CACNA1D: variants seen among roughly 807,000 people sequenced by gnomAD.
CACNA1D encodes the protein voltage-dependent L-type calcium channel subunit alpha-1D.
Under a neutral mutation model 257.1 loss-of-function variants are expected in CACNA1D, and 55 were observed. That is an observed-to-expected ratio of 0.21 (90% CI 0.17 to 0.27). The LOEUF (loss-of-function observed/expected upper bound fraction) is 0.27, where lower values mean the gene tolerates loss of function less well. Ranked by LOEUF, CACNA1D falls within the 10% of genes least tolerant of loss-of-function variation. The pLI, the probability that CACNA1D is intolerant of heterozygous loss-of-function variation, is 1.00. For synonymous variants in CACNA1D, 980 were observed against 1,014.9 expected (o/e 0.97, Z 0.65); for missense variants, 1,876 against 2,784.0 (o/e 0.67, Z 7.34).
intron 10 of CACNA1D, among the ~76,000 whole-genome samples, chr3:53,718,930 C>G (rs2094851566): frequency 6.6e-6 from 1 of 152,086 alleles, no homozygotes; most frequent in African/African-American, 2.4e-5. Context: ...CACTTTTTCC[C>G]TGGAGCCCTG....
chr3:53,807,996 G>C (rs767401410), intron 45 of CACNA1D: 1 of 153,224 alleles, frequency 6.5e-6, no homozygotes, highest in African/African-American at 2.4e-5. Context: ...GTATCTGGAA[G>C]GTGACAGTGG....
chr3:53,769,379 C>T (rs1043777157), intron 30 of CACNA1D, among the ~76,000 whole-genome samples: 5 of 152,218 alleles, frequency 3.3e-5, no homozygotes, highest in East Asian at 1.9e-4. Context: ...GGGCAGGCAG[C>T]GAGGGTTTCT....
At chr3:53,744,015 A>C (rs770643246) in intron 22 of CACNA1D, among the ~76,000 whole-genome samples, 1 of 152,140 alleles carries the variant, frequency 6.6e-6, no homozygotes, top group African/African-American at 2.4e-5. Context: ...TTCATGTCCA[A>C]GCTGCAGCCT....
intron 2 of CACNA1D, among the ~76,000 whole-genome samples, chr3:53,501,251 GA>G (rs1384210334): frequency 1.3e-5 from 2 of 152,196 alleles, no homozygotes; most frequent in Middle Eastern, 3.2e-3. Flanking sequence ...CCACAGCCGG[GA>G]ACTTAGTAAG....
At position 53,774,085 on chromosome 3, in the gene CACNA1D, G is replaced by A; in HGVS notation, c.4111-502G>A. 1 of 168,770 alleles carries A rather than the reference G, an allele frequency of 5.9e-6. No homozygotes were observed. Among genetic ancestry groups the A allele is most frequent in the Non-Finnish European group, 1.3e-5 (1 of 77,674 alleles). The allele number at this position is 168,770 out of a possible 1,614,324, so 10.5% of individuals were successfully genotyped here. ...TCTTTTATCTGTCTGCTCATCACAC[G>A]TTATTTTCATTCCCTCGGTATCTAT... is the stretch of plus-strand genomic sequence containing the variant. On this transcript the variant is annotated intron_variant, in intron 33 of 47. Coordinates refer to ENST00000350061, the MANE Select transcript of CACNA1D (RefSeq NM_001128840.3). This position sits in a 1 kb window ranked among gnomAD's most constrained non-coding sequence, Gnocchi z 4.3.
chr3:53,725,302 C>A (rs74887469), intron 14 of CACNA1D, among the ~76,000 whole-genome samples: 2 of 152,054 alleles, frequency 1.3e-5, no homozygotes, highest in Non-Finnish European at 1.5e-5. Flanking sequence ...TCCTTTGAAA[C>A]GCTGCGTCCA....
intron 3 of CACNA1D, among the ~76,000 whole-genome samples, chr3:53,632,131 A>C (rs1559943789): frequency 1.3e-5 from 2 of 152,378 alleles, no homozygotes; most frequent in South Asian, 2.1e-4. Context: ...GGATCTCCTT[A>C]CAATAGAAGG....
rs1559596204 is a variant in CACNA1D at position 53,735,446 on chromosome 3, G to A, written c.2694G>A (p.Leu898=). 18 of 1,614,132 alleles carry A rather than the reference G, an allele frequency of 1.1e-5. No individual in the cohort carries two copies. Among genetic ancestry groups the A allele is most frequent in the Non-Finnish European group, 1.5e-5 (18 of 1,179,986 alleles). The change falls in exon 20 of 48, where the codon CTG becomes CTA. Residue 898 remains leucine (L), a synonymous_variant. Coordinates refer to ENST00000350061, the MANE Select transcript of CACNA1D (RefSeq NM_001128840.3). ...ACCTCATCCTTGTCTTCATCATGCT[G>A]AGCAGCGCTGCCCTGGCCGCAGAGG... The part of the protein sequence containing the change: ...FTNLILVFIM[L]SSAALAAEDP...
chr3:53,650,260 A>C (rs973835118), intron 3 of CACNA1D, among the ~76,000 whole-genome samples: 6 of 152,192 alleles, frequency 3.9e-5, no homozygotes, highest in Non-Finnish European at 8.8e-5. Context: ...TTACCTTGCT[A>C]CTCAGTGACA....
intron 3 of CACNA1D, among the ~76,000 whole-genome samples, chr3:53,612,569 G>C (rs1294611064): frequency 6.6e-6 from 1 of 152,210 alleles, no homozygotes; most frequent in East Asian, 1.9e-4. Flanking sequence ...TAGCCTCATG[G>C]AGTTTTGTCC....
intron 3 of CACNA1D, among the ~76,000 whole-genome samples, chr3:53,561,244 G>T (rs1162733253): frequency 6.6e-6 from 1 of 151,920 alleles, no homozygotes; most frequent in Non-Finnish European, 1.5e-5. Flanking sequence ...GTTTTATCTT[G>T]TCTCTGTACA....
At position 53,772,041 on chromosome 3, in the gene CACNA1D, C is replaced by G. The variant is rs374335091; in HGVS notation, c.4045-792C>G. On this transcript the variant is annotated intron_variant, in intron 32 of 47. Coordinates refer to ENST00000350061, the MANE Select transcript of CACNA1D (RefSeq NM_001128840.3). ...TAAGCATGTGTTCCCAGAATTAAGC[C>G]TAACACTCTGGGCACCCTGTGCAGG... Among the ~76,000 whole-genome samples the G allele has an allele frequency of 1.3e-5, 2 of 152,222 alleles. 1 individual carries two copies. Among genetic ancestry groups the G allele is most frequent in the African/African-American group, 4.8e-5 (2 of 41,456 alleles).
intron 40 of CACNA1D, chr3:53,790,978 C>G (rs772382654): frequency 1.4e-6 from 1 of 702,276 alleles, no homozygotes; most frequent in South Asian, 1.5e-5. Context: ...TCGTTTGTTT[C>G]AGATGCTTGA....
chr3:53,781,053 G>C (rs946446157), intron 38 of CACNA1D, among the ~76,000 whole-genome samples: 1 of 152,202 alleles, frequency 6.6e-6, no homozygotes, highest in African/African-American at 2.4e-5. Flanking sequence ...AAGGCAGAAT[G>C]GTCCTCTATA....
chr3:53,701,275 G>C (rs1186045919), intron 8 of CACNA1D, among the ~76,000 whole-genome samples: 8 of 152,084 alleles, frequency 5.3e-5, no homozygotes, highest in Admixed American at 5.2e-4. Context: ...CTGAGTAACT[G>C]GGACTGCACC....
In CACNA1D at chr3:53,774,510, T is replaced by C. The variant is rs2095385533; in HGVS notation, c.4111-77T>C. On this transcript the variant is annotated intron_variant, in intron 33 of 47. Coordinates refer to ENST00000350061, the MANE Select transcript of CACNA1D (RefSeq NM_001128840.3). The surrounding 1 kb of genome is among the most constrained non-coding windows in gnomAD (Gnocchi z 4.3). ...CTAGCTGGTAAAGATCAAACCTGAG[T>C]TAGTTCTAAATTCACATACGGATTT... 1 of 863,190 alleles carries C rather than the reference T, an allele frequency of 1.2e-6. No homozygotes were observed. Among genetic ancestry groups the C allele is most frequent in the African/African-American group, 1.6e-5 (1 of 60,738 alleles). 53.5% of individuals were successfully genotyped at this position (863,190 alleles called of 1,614,324 possible). A position where few individuals can be genotyped will look rare whatever the true frequency, so the allele number is the denominator to read the frequency against.
At chr3:53,518,079 G>A (rs151132264) in intron 3 of CACNA1D, among the ~76,000 whole-genome samples, 1 of 152,222 alleles carries the variant, frequency 6.6e-6, no homozygotes, top group African/African-American at 2.4e-5. Flanking sequence ...CCTGAGGCTG[G>A]AGTTCTGATA....
At chr3:53,526,074 T>G (rs572347356) in intron 3 of CACNA1D, among the ~76,000 whole-genome samples, 18 of 152,020 alleles carry the variant, frequency 1.2e-4, no homozygotes, top group African/African-American at 4.3e-4. Flanking sequence ...CAAAAGAGAG[T>G]GTGAGAGTCT....
chr3:53,710,614 C>T lies in CACNA1D; in HGVS notation c.1391-7687C>T. ...TATATTTTAATTGCTTGATTTCTTT[C>T]TTCTTGTCTTTTTCCAAAATAATGT... On this transcript the variant is annotated intron_variant, in intron 9 of 47. Transcript: ENST00000350061. The T allele has an allele frequency of 1.1e-5, 4 of 358,672 alleles. No individual in the cohort carries two copies. The Middle Eastern group carries it at 1.5e-3, about 136-fold the overall frequency. 22.2% of individuals were successfully genotyped at this position (358,672 alleles called of 1,614,324 possible).
Sources: gnomAD v4.1 joint callset for allele counts (sites outside exome capture counted in the v4.1 genomes callset) on GRCh38, gnomAD v4.1.1 for gene constraint, Gnocchi (gnomAD v3.1) non-coding constraint, MANE v1.5 for transcripts, NCBI Gene and HGNC (gene_info 2026-07-23, HGNC 2026-07-21) for gene names.